GRID1: variants seen among roughly 807,000 people sequenced by gnomAD.
GRID1 encodes glutamate receptor ionotropic, delta-1.
GRID1 carries 28 observed loss-of-function variants against 98.0 expected under a neutral mutation model. The observed-to-expected ratio is 0.29, with a 90% CI of 0.21 to 0.39. The LOEUF (loss-of-function observed/expected upper bound fraction) is 0.39. Among genes scored for constraint, GRID1 ranks in the 10% least tolerant of loss-of-function variants. GRID1 has a pLI of 1.00. For missense variants in GRID1, 1,111 were observed against 1,340.5 expected (o/e 0.83, Z 2.67); for synonymous variants, 553 against 538.5 (o/e 1.03, Z -0.37).
At chr10:85,983,649 G>T (rs1842573013) in intron 4 of GRID1, among the ~76,000 whole-genome samples, 1 of 152,126 alleles carries the variant, frequency 6.6e-6, no homozygotes, top group Admixed American at 6.5e-5. Flanking sequence ...CTGGGCCAGG[G>T]TGTCACATCC....
At chr10:86,248,211 C>A (rs1846762181) in intron 2 of GRID1, among the ~76,000 whole-genome samples, 1 of 152,346 alleles carries the variant, frequency 6.6e-6, no homozygotes, top group Non-Finnish European at 1.5e-5. Context: ...TCTAATGAGG[C>A]AGCTCCTGCC....
Position 85,620,019 on chromosome 10 carries a change from G to A in GRID1, c.2208C>T (p.Asn736=). The A allele has an allele frequency of 1.2e-6, 2 of 1,613,816 alleles. No individual in the cohort carries two copies. The highest frequency in any genetic ancestry group is 1.7e-6 in the Non-Finnish European group (2 of 1,179,718). The part of the protein sequence containing the change: ...SEGIRKAKKG[N]YAFLWDVAVV... ...CGGCCACATCCCACAGGAAGGCGTA[G>A]TTCCCCTTCTTTGCCTGAAAGATCA... Residue 736 remains asparagine, a synonymous_variant, in exon 14 of 16, where the codon AAC becomes AAT. Coordinates refer to ENST00000327946, the MANE Select transcript of GRID1 (RefSeq NM_017551.3).
At chr10:85,905,669 T>C (rs925708641) in intron 5 of GRID1, among the ~76,000 whole-genome samples, 2 of 152,090 alleles carry the variant, frequency 1.3e-5, no homozygotes, top group African/African-American at 4.8e-5. Context: ...ATATATGTGG[T>C]GTAGTATAAT....
intron 2 of GRID1, among the ~76,000 whole-genome samples, chr10:86,271,568 G>T (rs1847185460): frequency 6.6e-6 from 1 of 152,186 alleles, no homozygotes; most frequent in Non-Finnish European, 1.5e-5. Context: ...AGACATGGAA[G>T]ATTTAAAATA....
intron 8 of GRID1, among the ~76,000 whole-genome samples, chr10:85,735,945 GAGA>G (rs1304483725): frequency 1.5e-5 from 2 of 136,490 alleles, no homozygotes; most frequent in African/African-American, 5.5e-5. Flanking sequence ...GCAGGAGGGA[GAGA>G]AGGAGGGAGA....
At chr10:85,771,415 T>G (rs1267384479) in intron 8 of GRID1, among the ~76,000 whole-genome samples, 2 of 152,066 alleles carry the variant, frequency 1.3e-5, no homozygotes, top group Non-Finnish European at 2.9e-5. Context: ...CTGCATCAAC[T>G]AACGAGCAAA....
At chr10:86,318,784 A>G (rs1252370387) in intron 2 of GRID1, among the ~76,000 whole-genome samples, 15 of 152,276 alleles carry the variant, frequency 9.9e-5, no homozygotes, top group Non-Finnish European at 1.5e-5. Context: ...CTAAGCACCT[A>G]CTGGTCACCA....
chr10:85,691,068 A>G (rs144632948), intron 12 of GRID1, among the ~76,000 whole-genome samples: 2 of 152,328 alleles, frequency 1.3e-5, no homozygotes, highest in African/African-American at 4.8e-5. Context: ...GAACTAGTTA[A>G]TTCTATTTTG....
At chr10:86,188,208 A>G (rs548571130) in intron 3 of GRID1, among the ~76,000 whole-genome samples, 1 of 152,358 alleles carries the variant, frequency 6.6e-6, no homozygotes, top group Admixed American at 6.5e-5. Flanking sequence ...AGGTGCCTAG[A>G]AAATAAGCAG....
At chr10:85,975,840 T>C (rs1172788083) in intron 4 of GRID1, among the ~76,000 whole-genome samples, 1 of 152,168 alleles carries the variant, frequency 6.6e-6, no homozygotes, top group Non-Finnish European at 1.5e-5. Context: ...AAAAGGACAA[T>C]AGTGGTTTCT....
At chr10:85,817,067 T>G (rs1402279341) in intron 8 of GRID1, among the ~76,000 whole-genome samples, 2 of 152,238 alleles carry the variant, frequency 1.3e-5, no homozygotes, top group Non-Finnish European at 2.9e-5. Context: ...TATTTCATGG[T>G]ATATATGTAC....
intron 4 of GRID1, among the ~76,000 whole-genome samples, chr10:86,053,651 G>T (rs1055144114): frequency 6.6e-6 from 1 of 152,140 alleles, no homozygotes; most frequent in African/African-American, 2.4e-5. Flanking sequence ...ACCATGCCTG[G>T]CCTTTACTGC....
intron 3 of GRID1, among the ~76,000 whole-genome samples, chr10:86,161,164 A>G (rs1845316326): frequency 6.6e-6 from 1 of 152,228 alleles, no homozygotes; most frequent in African/African-American, 2.4e-5. Flanking sequence ...CGGTGACCCA[A>G]AGAACTAAGG....
intron 5 of GRID1, among the ~76,000 whole-genome samples, chr10:85,908,586 A>C (rs1841493716): frequency 6.6e-6 from 1 of 152,202 alleles, no homozygotes; most frequent in African/African-American, 2.4e-5. Context: ...GAGATGACTC[A>C]CTATTTTTAT....
At chr10:86,101,382 T>C (rs181647051) in intron 4 of GRID1, among the ~76,000 whole-genome samples, 249 of 152,344 alleles carry the variant, frequency 1.6e-3, no homozygotes, top group African/African-American at 5.6e-3. Context: ...ATAATCAAGA[T>C]ACGGAACAGC....
At chr10:86,190,928 G>T (rs1427374796) in intron 3 of GRID1, among the ~76,000 whole-genome samples, 1 of 152,212 alleles carries the variant, frequency 6.6e-6, no homozygotes, top group African/African-American at 2.4e-5. Context: ...GTGTGTACCT[G>T]CATGCACATG....
chr10:86,147,053 C>T (rs142124922), intron 3 of GRID1, among the ~76,000 whole-genome samples: 1 of 152,304 alleles, frequency 6.6e-6, no homozygotes, highest in Non-Finnish European at 1.5e-5. Context: ...GCAAGGGCTG[C>T]ATTCAGGTGA....
intron 2 of GRID1, among the ~76,000 whole-genome samples, chr10:86,207,873 G>A (rs896710295): frequency 1.4e-4 from 21 of 152,060 alleles, no homozygotes; most frequent in Admixed American, 3.3e-4. Flanking sequence ...CTCGTGATCC[G>A]CCCGTCTCGA....
chr10:86,256,376 G>A (rs1376601880), intron 2 of GRID1, among the ~76,000 whole-genome samples: 1 of 152,138 alleles, frequency 6.6e-6, no homozygotes, highest in Non-Finnish European at 1.5e-5. Flanking sequence ...GAGGTGGGAG[G>A]ATCACTTGAG....
Sources: allele counts gnomAD v4.1 joint callset (sites outside exome capture counted in the v4.1 genomes callset), GRCh38; gene constraint gnomAD v4.1.1; transcripts MANE v1.5; gene names NCBI Gene and HGNC (gene_info 2026-07-23, HGNC 2026-07-21).